The following FKBP7 variants were observed in gnomAD, a reference collection of about 807,000 sequenced individuals.
FKBP7 encodes the protein peptidyl-prolyl cis-trans isomerase FKBP7.
Under a neutral mutation model 24.3 loss-of-function variants are expected in FKBP7, and 24 were observed. That is an observed-to-expected ratio of 0.99 (90% CI 0.72 to 1.39). The LOEUF is 1.39. Among genes scored for constraint, FKBP7 ranks in the 40% most tolerant of loss-of-function variants. The probability of loss-of-function intolerance (pLI) is 0.00; values close to 1 mark genes in which losing one functional copy is unlikely to be tolerated. For missense variants in FKBP7, 257 were observed against 269.5 expected (o/e 0.95, Z 0.33); for synonymous variants, 98 against 92.8 (o/e 1.06, Z -0.32).
chr2:178,473,976 T>C (rs1246018020), intron 2 of FKBP7, among the ~76,000 whole-genome samples: 1 of 152,130 alleles, frequency 6.6e-6, no homozygotes, highest in East Asian at 1.9e-4. Context: ...AATTGTCTCT[T>C]TAGGAGTTTT....
rs567555031 is a variant in FKBP7, at chr2:178,471,871, CA to C, written c.374-2087del. ...AAGAGAAAACATAGAAAGATCTACCCATGCATCATATGACTAACATAAAAGT... is the reference window on the plus strand; with the variant it reads ...AAGAGAAAACATAGAAAGATCTACCCTGCATCATATGACTAACATAAAAGT... On this transcript the variant is annotated intron_variant, in intron 2 of 3. Coordinates refer to ENST00000424785, the MANE Select transcript of FKBP7 (RefSeq NM_181342.3). Among the ~76,000 whole-genome samples, 23 of 152,228 alleles carry C rather than the reference CA, an allele frequency of 1.5e-4. No homozygotes were observed. In the South Asian group the frequency reaches 4.8e-3, roughly 32 times the overall value.
chr2:178,473,041 T>C, intron 2 of FKBP7: 1 of 1,295,052 alleles, frequency 7.7e-7, no homozygotes, highest in Non-Finnish European at 1.0e-6. Context: ...CATGTATTGT[T>C]ATTTAAGCAC....
intron 2 of FKBP7, among the ~76,000 whole-genome samples, chr2:178,472,353 C>A (rs2154126930): frequency 6.6e-6 from 1 of 152,174 alleles, no homozygotes; most frequent in African/African-American, 2.4e-5. Context: ...AGGATTACAG[C>A]TATACGCCAC....
chr2:178,465,143 C>T lies in FKBP7; in HGVS notation c.*627G>A, dbSNP rs1684618847. ...AGAGGCAAAAAGTCTTTGGTTTGGT[C>T]AAATATTTTTAAACATTCCCCACTG... is the stretch of plus-strand genomic sequence containing the variant. On this transcript the variant is annotated 3_prime_UTR_variant, in exon 4 of 4. Transcript: ENST00000424785. The T allele has an allele frequency of 6.6e-6, 1 of 152,090 alleles. No homozygotes were observed. Among genetic ancestry groups the T allele is most frequent in the Admixed American group, 6.5e-5 (1 of 15,268 alleles). 9.4% of individuals were successfully genotyped at this position (152,090 alleles called of 1,614,324 possible).
intron 3 of FKBP7, among the ~76,000 whole-genome samples, chr2:178,466,318 T>C (rs567563350): frequency 1.3e-5 from 2 of 152,292 alleles, no homozygotes; most frequent in Admixed American, 1.3e-4. Context: ...CTAATGAATA[T>C]GTTGTATAAT....
chr2:178,464,072 A>G lies in FKBP7; in HGVS notation c.*1698T>C, dbSNP rs1684591242. On this transcript the variant is annotated 3_prime_UTR_variant, in exon 4 of 4. Coordinates refer to ENST00000424785, the MANE Select transcript of FKBP7 (RefSeq NM_181342.3). ...TAAGGTGTCAAATTATGTGCTAGCC[A>G]TATGTATTATTTACTAATCTCATGG... is the stretch of plus-strand genomic sequence containing the variant. The G allele has an allele frequency of 6.6e-6, 1 of 152,208 alleles. No homozygotes were observed. The highest frequency in any genetic ancestry group is 2.1e-4 in the South Asian group (1 of 4,834). The allele number at this position is 152,208 out of a possible 1,614,324, so 9.4% of individuals were successfully genotyped here.
intron 2 of FKBP7, among the ~76,000 whole-genome samples, chr2:178,470,003 T>A (rs949853653): frequency 6.6e-6 from 1 of 152,120 alleles, no homozygotes; most frequent in African/African-American, 2.4e-5. Context: ...AATACTTTTT[T>A]AGGAATATTT....
Position 178,465,336 on chromosome 2 carries a change from T to A in FKBP7, c.*434A>T, listed in dbSNP as rs1450756031. ...AATGTTATAAAAATGTATAAACAAG[T>A]GAAATGCTAATTCCTGGGTCCTTAA... On this transcript the variant is annotated 3_prime_UTR_variant, in exon 4 of 4. Transcript: ENST00000424785. The A allele has an allele frequency of 2.2e-4, 34 of 152,494 alleles. No individual in the cohort carries two copies. The highest frequency in any genetic ancestry group is 2.2e-3 in the Admixed American group (34 of 15,284). 9.4% of individuals were successfully genotyped at this position (152,494 alleles called of 1,614,324 possible). A position where few individuals can be genotyped will look rare whatever the true frequency, so the allele number is the denominator to read the frequency against.
At chr2:178,475,589 A>G (rs1575136968) in intron 2 of FKBP7, among the ~76,000 whole-genome samples, 2 of 152,354 alleles carry the variant, frequency 1.3e-5, no homozygotes. Context: ...ATTCCCAGCA[A>G]TAATGCTGGT....
Position 178,469,753 on chromosome 2 carries a change from T to A in FKBP7, c.406A>T (p.Ile136Phe), listed in dbSNP as rs751436162. ...EGKIPPDATL[I>F]FEIELYAVTK... is the part of the protein sequence containing the mutation. ...ACAGCATAAAGTTCAATCTCAAAAA[T>A]CAATGTAGCATCCGGTGGAATCTTG... The change falls in exon 3 of 4, where the codon ATT (isoleucine) becomes TTT (phenylalanine). Residue 136 changes from isoleucine (I) to phenylalanine (F), a missense_variant. Physicochemically the swap from Ile to Phe is conservative, Grantham distance 21. Coordinates refer to ENST00000424785, the MANE Select transcript of FKBP7 (RefSeq NM_181342.3). The A allele has an allele frequency of 7.6e-5, 122 of 1,613,774 alleles. No homozygotes were observed. Among genetic ancestry groups the A allele is most frequent in the Non-Finnish European group, 1.0e-4 (119 of 1,179,956 alleles).
At chr2:178,473,161 T>C (rs1364102763) in intron 2 of FKBP7, 2 of 1,084,472 alleles carry the variant, frequency 1.8e-6, no homozygotes, top group South Asian at 1.3e-5. Context: ...AAGTTATAGC[T>C]AATGTTAGGT....
At chr2:178,467,387 T>A (rs1684700087) in intron 3 of FKBP7, among the ~76,000 whole-genome samples, 1 of 152,236 alleles carries the variant, frequency 6.6e-6, no homozygotes, top group African/African-American at 2.4e-5. Flanking sequence ...TGAAATAGTT[T>A]ACTTAATCTT....
In FKBP7 at chr2:178,465,815, GAAGC is replaced by G; in HGVS notation, c.620_623del (p.Gly207AlafsTer54). On this transcript the variant is annotated frameshift_variant, in exon 4 of 4. Coordinates refer to ENST00000424785, the MANE Select transcript of FKBP7 (RefSeq NM_181342.3). LOFTEE classifies it high-confidence loss of function. ...ATACATTGTATTCCTTGGGAGAAATGAAGCCATCACCATCATGGTCATTCTTCTT... is the reference window on the plus strand; with the variant it reads ...ATACATTGTATTCCTTGGGAGAAATGCATCACCATCATGGTCATTCTTCTT... 3 of 1,610,040 alleles carry G rather than the reference GAAGC, an allele frequency of 1.9e-6. No homozygotes were observed. The South Asian group carries it at 3.3e-5, about 18-fold the overall frequency.
At chr2:178,472,669 C>A (rs1485315041) in intron 2 of FKBP7, among the ~76,000 whole-genome samples, 1 of 151,510 alleles carries the variant, frequency 6.6e-6, no homozygotes, top group Non-Finnish European at 1.5e-5. Flanking sequence ...GCCAACATGG[C>A]GAAACCCCAT....
chr2:178,468,858 T>A (rs1238347900), intron 3 of FKBP7, among the ~76,000 whole-genome samples: 1 of 151,890 alleles, frequency 6.6e-6, no homozygotes, highest in African/African-American at 2.4e-5. Context: ...ATAAATGTTA[T>A]CTATTATTAT....
intron 2 of FKBP7, among the ~76,000 whole-genome samples, chr2:178,471,770 TAA>T (rs1332203846): frequency 6.6e-6 from 1 of 152,204 alleles, no homozygotes; most frequent in African/African-American, 2.4e-5. Flanking sequence ...GCATTCTAGC[TAA>T]AGTCTTTATA....
At chr2:178,477,300 C>G in intron 1 of FKBP7, 87 bp from the exon 2 acceptor site, 1 of 1,334,804 alleles carries the variant, frequency 7.5e-7, no homozygotes, top group Non-Finnish European at 1.1e-6. Context: ...GGAGTCCTCT[C>G]TAACCATCAT....
In FKBP7 at chr2:178,465,532, T is replaced by A. The variant is rs747137141; in HGVS notation, c.*238A>T. 14 of 307,610 alleles carry A rather than the reference T, an allele frequency of 4.6e-5. No homozygotes were observed. The highest frequency in any genetic ancestry group is 4.5e-4 in the South Asian group (4 of 8,988). The allele number at this position is 307,610 out of a possible 1,614,324, so 19.1% of individuals were successfully genotyped here. On this transcript the variant is annotated 3_prime_UTR_variant, in exon 4 of 4. Coordinates refer to ENST00000424785, the MANE Select transcript of FKBP7 (RefSeq NM_181342.3). ...GCCCACTGGGACCCAGAGGTCTGTTTCATGGTGCTACAATTCTTGTTTACA... is the reference window on the plus strand; with the variant it reads ...GCCCACTGGGACCCAGAGGTCTGTTACATGGTGCTACAATTCTTGTTTACA...
At chr2:178,475,471 C>G (rs188214391) in intron 2 of FKBP7, among the ~76,000 whole-genome samples, 1 of 152,250 alleles carries the variant, frequency 6.6e-6, no homozygotes, top group South Asian at 2.1e-4. Context: ...CTGAAGTGAT[C>G]TGCCCACTTC....
Sources: allele counts gnomAD v4.1 joint callset (sites outside exome capture counted in the v4.1 genomes callset), GRCh38; gene constraint gnomAD v4.1.1; transcripts MANE v1.5; gene names NCBI Gene and HGNC (gene_info 2026-07-23, HGNC 2026-07-21).